TRHDE: variants seen among roughly 807,000 people sequenced by gnomAD.
TRHDE encodes the protein thyrotropin-releasing hormone-degrading ectoenzyme.
Under a neutral mutation model 125.7 loss-of-function variants are expected in TRHDE, and 72 were observed. That is an observed-to-expected ratio of 0.57 (90% confidence interval 0.47 to 0.70). The LOEUF (loss-of-function observed/expected upper bound fraction) is 0.70, where lower values mean the gene tolerates loss of function less well. TRHDE is among the 30% of genes least tolerant of loss of function. The pLI, the probability that TRHDE is intolerant of heterozygous loss-of-function variation, is 0.00. For synonymous variants in TRHDE, 509 were observed against 509.1 expected (o/e 1.00, Z 0.00); for missense variants, 1,110 against 1,327.1 (o/e 0.84, Z 2.54).
intron 2 of TRHDE, among the ~76,000 whole-genome samples, chr12:72,223,310 G>A (rs1477103709): frequency 6.6e-6 from 1 of 152,068 alleles, no homozygotes; most frequent in African/African-American, 2.4e-5. Flanking sequence ...GCATCCAGAG[G>A]ACATCTGGAG....
At chr12:72,092,395 T>C (rs1874811610) in intron 1 of TRHDE, among the ~76,000 whole-genome samples, 1 of 152,232 alleles carries the variant, frequency 6.6e-6, no homozygotes, top group African/African-American at 2.4e-5. Context: ...CCCATGTAAC[T>C]GGAAAGCATA....
chr12:72,560,640 A>G (rs1330470262), intron 7 of TRHDE: 2 of 151,982 alleles, frequency 1.3e-5, no homozygotes, highest in Admixed American at 1.3e-4. Flanking sequence ...TGGGCCACAT[A>G]ATGGAATCCT....
At chr12:72,381,760 C>T (rs570531725) in intron 3 of TRHDE, among the ~76,000 whole-genome samples, 1 of 152,234 alleles carries the variant, frequency 6.6e-6, no homozygotes, top group African/African-American at 2.4e-5. Context: ...AGGGCAATTC[C>T]AAGACTTTTG....
chr12:72,256,447 T>C (rs1878816720), intron 2 of TRHDE: 2 of 152,142 alleles, frequency 1.3e-5, no homozygotes, highest in Non-Finnish European at 2.9e-5. Flanking sequence ...TATTTAGTAT[T>C]GTAACCCTTT....
intron 2 of TRHDE, among the ~76,000 whole-genome samples, chr12:72,346,248 C>T (rs1316036321): frequency 2.6e-5 from 4 of 151,780 alleles, no homozygotes; most frequent in Admixed American, 6.6e-5. Context: ...TGGGGATCCT[C>T]GACAAAGAGT....
In TRHDE at chr12:72,575,726, A is replaced by T. The variant is rs1013866792; in HGVS notation, c.2321+184A>T. On this transcript the variant is annotated intron_variant, in intron 12 of 18. Coordinates refer to ENST00000261180, the MANE Select transcript of TRHDE (RefSeq NM_013381.3). ...CAAACTTTCTATCAATAATAGCTATAGGGTATTTCTAAGTCAGGATAAGCT... is the reference window on the plus strand; with the variant it reads ...CAAACTTTCTATCAATAATAGCTATTGGGTATTTCTAAGTCAGGATAAGCT... Among the ~76,000 whole-genome samples the T allele has an allele frequency of 2.0e-5, 3 of 152,130 alleles. No individual in the cohort carries two copies. In the South Asian group the frequency reaches 6.2e-4, roughly 31 times the overall value.
At chr12:72,518,685 A>G (rs1879012647) in intron 6 of TRHDE, among the ~76,000 whole-genome samples, 1 of 151,970 alleles carries the variant, frequency 6.6e-6, no homozygotes, top group African/African-American at 2.4e-5. Context: ...TGATCCTGTC[A>G]TTATGATGTT....
chr12:72,412,883 A>G (rs1592426512), intron 3 of TRHDE, among the ~76,000 whole-genome samples: 1 of 152,046 alleles, frequency 6.6e-6, no homozygotes, highest in Non-Finnish European at 1.5e-5. Context: ...AGGTAATACA[A>G]TTTTAAAGAA....
chr12:72,465,744 A>C (rs1338975592), intron 3 of TRHDE, among the ~76,000 whole-genome samples: 1 of 152,188 alleles, frequency 6.6e-6, no homozygotes, highest in African/African-American at 2.4e-5. Context: ...ATCATATAAG[A>C]TTCCTTAAGT....
intron 12 of TRHDE, among the ~76,000 whole-genome samples, chr12:72,604,700 C>T (rs1872358549): frequency 6.6e-6 from 1 of 151,876 alleles, no homozygotes. Flanking sequence ...TATACTTGTT[C>T]TGAATTAACT....
intron 5 of TRHDE, among the ~76,000 whole-genome samples, chr12:72,482,889 C>T (rs1877236082): frequency 6.6e-6 from 1 of 151,820 alleles, no homozygotes; most frequent in Admixed American, 6.6e-5. Context: ...ATTTGTTGCC[C>T]TAGTTTTAAA....
intron 18 of TRHDE, 99 bp downstream of exon 18, chr12:72,657,107 C>T (rs1042608206): frequency 1.3e-6 from 1 of 762,204 alleles, no homozygotes; most frequent in African/African-American, 1.8e-5. Flanking sequence ...CACATCCATT[C>T]CTTTTACTTA....
chr12:72,105,806 C>T (rs148748012), intron 2 of TRHDE: 5 of 152,276 alleles, frequency 3.3e-5, no homozygotes, highest in East Asian at 1.9e-4. Context: ...GTTTTACACA[C>T]AACAAAATAC....
At chr12:72,366,759 T>C (rs376764189) in intron 2 of TRHDE, among the ~76,000 whole-genome samples, 96 of 152,046 alleles carry the variant, frequency 6.3e-4, no homozygotes, top group African/African-American at 2.2e-3. Context: ...CATGAATTTT[T>C]AGTAAAATTC....
At chr12:72,652,964 A>G in intron 16 of TRHDE, 52 bp from the exon 17 acceptor site, 1 of 1,495,486 alleles carries the variant, frequency 6.7e-7, no homozygotes, top group Non-Finnish European at 9.1e-7. Context: ...TAAGATTATA[A>G]AAATGTTTAA....
chr12:72,382,872 C>A (rs965088180), intron 3 of TRHDE, among the ~76,000 whole-genome samples: 1 of 152,170 alleles, frequency 6.6e-6, no homozygotes, highest in African/African-American at 2.4e-5. Flanking sequence ...TTCTCCCCTG[C>A]AGCCTCATCT....
At chr12:72,637,413 G>C (rs1309601084) in intron 15 of TRHDE, among the ~76,000 whole-genome samples, 1 of 151,692 alleles carries the variant, frequency 6.6e-6, no homozygotes, top group East Asian at 1.9e-4. Context: ...TATTAGTCTT[G>C]CTAGCGGTCT....
At chr12:72,638,200 C>A (rs1250096392) in intron 15 of TRHDE, among the ~76,000 whole-genome samples, 38 of 146,978 alleles carry the variant, frequency 2.6e-4, no homozygotes, top group Admixed American at 8.2e-4. Flanking sequence ...GTATTGGGTG[C>A]ATATATATTT....
chr12:72,275,963 C>T (rs1364671385), intron 1 of TRHDE, among the ~76,000 whole-genome samples: 1 of 152,018 alleles, frequency 6.6e-6, no homozygotes, highest in African/African-American at 2.4e-5. Context: ...CCTTGTTCTT[C>T]ATTTTTTTTT....
Sources: gnomAD v4.1 joint callset for allele counts (sites outside exome capture counted in the v4.1 genomes callset) on GRCh38, gnomAD v4.1.1 for gene constraint, MANE v1.5 for transcripts, NCBI Gene and HGNC (gene_info 2026-07-23, HGNC 2026-07-21) for gene names.